Variants in ATP9A observed in about 807,000 individuals in gnomAD.
ATP9A encodes ATPase phospholipid transporting 9A.
Under a neutral mutation model 144.1 loss-of-function variants are expected in ATP9A, and 52 were observed. The observed-to-expected ratio is 0.36, with a 90% CI of 0.29 to 0.45. ATP9A has a LOEUF of 0.45. Ranked by LOEUF, ATP9A falls within the 20% of genes least tolerant of loss-of-function variation. ATP9A has a pLI of 1.00. For missense variants in ATP9A, 947 were observed against 1,392.7 expected (o/e 0.68, Z 5.09); for synonymous variants, 582 against 557.4 (o/e 1.04, Z -0.62).
intron 1 of ATP9A, among the ~76,000 whole-genome samples, chr20:51,764,381 T>C (rs182702977): frequency 4.6e-4 from 70 of 152,340 alleles, no homozygotes; most frequent in African/African-American, 1.6e-3. Flanking sequence ...AAATGCCTTG[T>C]TTCCTAACTA....
intron 9 of ATP9A, among the ~76,000 whole-genome samples, chr20:51,686,969 A>G (rs776363937): frequency 6.6e-5 from 10 of 151,740 alleles, no homozygotes; most frequent in Non-Finnish European, 1.5e-4. Context: ...ACAAAGAAAC[A>G]AAAGAGACAG....
chr20:51,766,825 G>T (rs752775678), intron 1 of ATP9A, among the ~76,000 whole-genome samples: 2 of 152,038 alleles, frequency 1.3e-5, no homozygotes, highest in Non-Finnish European at 1.5e-5. Flanking sequence ...GGGCAACAGA[G>T]GGAGACTCCG....
At chr20:51,636,780 T>C (rs1024308321) in intron 15 of ATP9A, among the ~76,000 whole-genome samples, 1 of 152,000 alleles carries the variant, frequency 6.6e-6, no homozygotes, top group East Asian at 1.9e-4. Flanking sequence ...ATGAGTTACT[T>C]CATGCAAATC....
At position 51,698,096 on chromosome 20, in the gene ATP9A, C is replaced by T. The variant is rs1247842785; in HGVS notation, c.437-614G>A. On this transcript the variant is annotated intron_variant, in intron 4 of 27. Coordinates refer to ENST00000338821, the MANE Select transcript of ATP9A (RefSeq NM_006045.3). ...AGAAGGTAGTTCCATCTCCAGCTTT[C>T]AGACGAGGAAAGGAGACTCAGGATG... Among the ~76,000 whole-genome samples the T allele has an allele frequency of 2.0e-5, 3 of 152,212 alleles. No individual in the cohort carries two copies. The East Asian group carries it at 5.8e-4, about 29-fold the overall frequency.
intron 1 of ATP9A, 108 bp from the exon 2 acceptor site, chr20:51,730,086 C>G (rs2077733992): frequency 8.3e-7 from 1 of 1,211,232 alleles, no homozygotes; most frequent in Admixed American, 3.2e-5. Flanking sequence ...TTCTCTGGCT[C>G]AGGACCACAG....
chr20:51,670,113 A>G lies in ATP9A; in HGVS notation c.1181-4T>C. ...ATCTCGTTCTGGGTAAGAGTGCCTA[A>G]AACACAAGACAAATGAGTGGCCGGC... On this transcript the variant is annotated splice_region_variant and splice_polypyrimidine_tract_variant and intron_variant, in intron 12 of 27. Coordinates refer to ENST00000338821, the MANE Select transcript of ATP9A (RefSeq NM_006045.3). 1 of 1,609,984 alleles carries G rather than the reference A, an allele frequency of 6.2e-7. No individual in the cohort carries two copies. The highest frequency in any genetic ancestry group is 1.1e-5 in the South Asian group (1 of 90,996).
chr20:51,608,364 C>T (rs2077171998), intron 25 of ATP9A, among the ~76,000 whole-genome samples, 154 bp downstream of exon 25: 1 of 152,106 alleles, frequency 6.6e-6, no homozygotes. Context: ...ACACCTTCCC[C>T]CCAAAAGTAA....
intron 16 of ATP9A, among the ~76,000 whole-genome samples, 167 bp downstream of exon 16, chr20:51,628,813 C>G (rs1049199876): frequency 2.6e-5 from 4 of 152,254 alleles, no homozygotes; most frequent in African/African-American, 9.6e-5. Context: ...CCCTGACCCA[C>G]AGAAACCATT....
At chr20:51,743,619 G>A (rs2077794703) in intron 1 of ATP9A, among the ~76,000 whole-genome samples, 1 of 149,052 alleles carries the variant, frequency 6.7e-6, no homozygotes, top group South Asian at 2.1e-4. Context: ...AGGCTGGTCT[G>A]GTCTTGAACT....
intron 4 of ATP9A, among the ~76,000 whole-genome samples, chr20:51,707,853 T>TTGTGTGTG (rs146098575): frequency 8.0e-5 from 12 of 150,422 alleles, no homozygotes; most frequent in Non-Finnish European, 1.3e-4. Flanking sequence ...TCAACTGTGT[T>TTGTGTGTG]TGTGTGTGTG....
At position 51,766,767 on chromosome 20, in the gene ATP9A, G is replaced by C. The variant is rs2077905854; in HGVS notation, c.68+1535C>G. ...GAGGCAGAGAATTGCTTGAACCCGG[G>C]AGGCGGAGGTTGCAGTGAGCCGAGA... On this transcript the variant is annotated intron_variant, in intron 1 of 27. Coordinates refer to ENST00000338821, the MANE Select transcript of ATP9A (RefSeq NM_006045.3). Among the ~76,000 whole-genome samples, 4 of 152,052 alleles carry C rather than the reference G, an allele frequency of 2.6e-5. No individual in the cohort carries two copies. The South Asian group carries it at 8.3e-4, about 32-fold the overall frequency.
chr20:51,601,416 C>T (rs2077142563), intron 27 of ATP9A, 69 bp from the exon 28 acceptor site: 1 of 1,443,520 alleles, frequency 6.9e-7, no homozygotes, highest in Non-Finnish European at 9.3e-7. Context: ...GGTCCAGAAA[C>T]AGGCGTCACA....
chr20:51,622,249 A>C, intron 18 of ATP9A, 77 bp from the exon 19 acceptor site: 1 of 1,174,958 alleles, frequency 8.5e-7, no homozygotes, highest in Non-Finnish European at 1.3e-6. Flanking sequence ...CTGAGTTTCC[A>C]ACAACATGGA....
At chr20:51,742,008 C>T (rs2077787196) in intron 1 of ATP9A, among the ~76,000 whole-genome samples, 1 of 152,208 alleles carries the variant, frequency 6.6e-6, no homozygotes, top group South Asian at 2.1e-4. Context: ...AATGGATTCA[C>T]TCCATTTACA....
Position 51,601,056 on chromosome 20 carries a change from T to C in ATP9A, c.*155A>G. ...ACCCTCCCTCCCGTTGATGCAGCGT[T>C]AGGACTCCGTTTAGGCGCAGAGCCA... On this transcript the variant is annotated 3_prime_UTR_variant, in exon 28 of 28. Coordinates refer to ENST00000338821, the MANE Select transcript of ATP9A (RefSeq NM_006045.3). 1 of 919,254 alleles carries C rather than the reference T, an allele frequency of 1.1e-6. No individual in the cohort carries two copies. Among genetic ancestry groups the C allele is most frequent in the Non-Finnish European group, 1.6e-6 (1 of 645,002 alleles). 56.9% of individuals were successfully genotyped at this position (919,254 alleles called of 1,614,324 possible). A position where few individuals can be genotyped will look rare whatever the true frequency, so the allele number is the denominator to read the frequency against.
At chr20:51,621,973 C>A (rs1378066352) in intron 19 of ATP9A, 101 bp downstream of exon 19, 8 of 1,026,432 alleles carry the variant, frequency 7.8e-6, no homozygotes, top group Non-Finnish European at 1.0e-5. Context: ...AGGTAATTCA[C>A]ATGCTGCCCC....
At chr20:51,615,760 C>T (rs1962739) in intron 22 of ATP9A, among the ~76,000 whole-genome samples, 72,437 of 151,922 alleles carry the variant, frequency 0.48, 17,680 homozygotes, top group African/African-American at 0.58. Flanking sequence ...CTCAGCCTCC[C>T]GAGTAGCTAG....
At position 51,690,187 on chromosome 20, in the gene ATP9A, A is replaced by G. The variant is rs576658169; in HGVS notation, c.723+552T>C. On this transcript the variant is annotated intron_variant, in intron 8 of 27. Coordinates refer to ENST00000338821, the MANE Select transcript of ATP9A (RefSeq NM_006045.3). Reference sequence around the variant, plus strand: ...TGTAATCCCAGCACTTTGGGAGGCCAAGGCGGGCGGATCACAAGGTCAGGG... The same window carrying G: ...TGTAATCCCAGCACTTTGGGAGGCCGAGGCGGGCGGATCACAAGGTCAGGG... Among the ~76,000 whole-genome samples the G allele has an allele frequency of 5.2e-4, 78 of 148,904 alleles. No homozygotes were observed. The East Asian group carries it at 6.2e-3, about 12-fold the overall frequency.
In ATP9A at chr20:51,729,931, C is replaced by T. The variant is rs1194861517; in HGVS notation, c.116G>A (p.Arg39His). 3.1e-5 allele frequency: 49 copies of T among 1,589,990 alleles called. No individual in the cohort carries two copies. The highest frequency in any genetic ancestry group is 4.0e-5 in the Non-Finnish European group (47 of 1,172,036). The stretch of plus-strand genomic sequence containing the variant: ...CTCGGGGTGCCCCAGCCAGACAGTG[C>T]GGGGCCTGGCCTCCCCTCCACCGCA... ...RCCGGGEARP[R>H]TVWLGHPEKR... The change falls in exon 2 of 28, where the codon CGC (arginine) becomes CAC (histidine). Residue 39 changes from arginine (R) to histidine (H), a missense_variant. Arg to His is a conservative substitution (Grantham distance 29). Coordinates refer to ENST00000338821, the MANE Select transcript of ATP9A (RefSeq NM_006045.3).
Sources: allele counts gnomAD v4.1 joint callset (sites outside exome capture counted in the v4.1 genomes callset), GRCh38; gene constraint gnomAD v4.1.1; transcripts MANE v1.5; gene names NCBI Gene and HGNC (gene_info 2026-07-23, HGNC 2026-07-21).